THSD4: variants seen among roughly 807,000 people sequenced by gnomAD.
THSD4 encodes the protein thrombospondin type 1 domain containing 4, also known as thrombospondin type-1 domain-containing protein 4.
A neutral mutation model predicts 119.0 loss-of-function variants in THSD4; 69 were observed. The ratio of observed to expected loss-of-function variants is 0.58; its 90% CI spans 0.48 to 0.71. THSD4 has a LOEUF of 0.71. Among genes scored for constraint, THSD4 ranks in the 30% least tolerant of loss-of-function variants. The pLI, the probability that THSD4 is intolerant of heterozygous loss-of-function variation, is 0.00. For missense variants in THSD4, 1,393 were observed against 1,391.1 expected (o/e 1.00, Z -0.02); for synonymous variants, 524 against 540.4 (o/e 0.97, Z 0.42).
intron 7 of THSD4, among the ~76,000 whole-genome samples, chr15:71,511,325 G>T (rs1254599568): frequency 6.6e-6 from 1 of 152,060 alleles, no homozygotes; most frequent in East Asian, 1.9e-4. Flanking sequence ...TTGGTTTAGG[G>T]GCCTGAAGAA....
At chr15:71,192,367 C>T (rs2141441510) in intron 3 of THSD4, among the ~76,000 whole-genome samples, 1 of 152,240 alleles carries the variant, frequency 6.6e-6, no homozygotes, top group African/African-American at 2.4e-5. Context: ...ACTGCAGCCT[C>T]CACCTCCCAG....
chr15:71,241,410 C>T (rs1336573878), intron 4 of THSD4, among the ~76,000 whole-genome samples: 1 of 152,124 alleles, frequency 6.6e-6, no homozygotes, highest in East Asian at 1.9e-4. Flanking sequence ...CTCAGAATTT[C>T]CCAAAGCAAC....
At position 71,520,280 on chromosome 15, in the gene THSD4, T is replaced by C. The variant is rs568048902; in HGVS notation, c.1152+108457T>C. On this transcript the variant is annotated intron_variant, in intron 7 of 17. Transcript: ENST00000261862. The stretch of plus-strand genomic sequence containing the variant: ...GACTGGTCTAGAGATGAGACCCAGA[T>C]GGCAAACGTGACCTGGGAGGTTTTG... Among the ~76,000 whole-genome samples the C allele has an allele frequency of 3.4e-4, 52 of 152,258 alleles. No individual in the cohort carries two copies. In the South Asian group the frequency reaches 0.01, roughly 30 times the overall value.
intron 7 of THSD4, among the ~76,000 whole-genome samples, chr15:71,513,345 G>C (rs1008167185): frequency 5.3e-5 from 8 of 152,194 alleles, no homozygotes; most frequent in Non-Finnish European, 1.2e-4. Context: ...TTTCAGATAG[G>C]TTAGGAAAGT....
intron 2 of THSD4, among the ~76,000 whole-genome samples, chr15:71,147,208 A>G (rs757054072): frequency 6.6e-6 from 1 of 152,030 alleles, no homozygotes; most frequent in Non-Finnish European, 1.5e-5. Context: ...TTTGTTTTTG[A>G]ATTTTTATTT....
At chr15:71,617,544 C>T (rs886640082) in intron 7 of THSD4, among the ~76,000 whole-genome samples, 1 of 152,202 alleles carries the variant, frequency 6.6e-6, no homozygotes, top group Non-Finnish European at 1.5e-5. Flanking sequence ...TGCTGCCTTT[C>T]ATACTCAGCC....
In THSD4 at chr15:71,771,218, G is replaced by A; in HGVS notation, c.2914+10G>A. On this transcript the variant is annotated intron_variant, in intron 17 of 17. Transcript: ENST00000261862. ...TGTGTCCCTGAAGTTGGTAAGTAGA[G>A]ATTTCAATCATGGGGGAAAGGTTTG... The A allele has an allele frequency of 6.2e-7, 1 of 1,612,386 alleles. No homozygotes were observed.
chr15:71,711,768 A>G (rs2052521410), intron 8 of THSD4, among the ~76,000 whole-genome samples: 1 of 152,194 alleles, frequency 6.6e-6, no homozygotes, highest in Admixed American at 6.5e-5. Context: ...AATATTACAC[A>G]AAGTAGACTT....
intron 7 of THSD4, among the ~76,000 whole-genome samples, chr15:71,574,064 A>G (rs1224669869): frequency 2.0e-5 from 3 of 152,168 alleles, no homozygotes; most frequent in African/African-American, 7.2e-5. Context: ...GTAGCGCAGA[A>G]CTTCTCTAGC....
At chr15:71,194,685 C>T (rs2043704483) in intron 3 of THSD4, among the ~76,000 whole-genome samples, 1 of 152,202 alleles carries the variant, frequency 6.6e-6, no homozygotes, top group Admixed American at 6.5e-5. Context: ...AAAGCAGCCC[C>T]TGGTTCATGA....
At chr15:71,391,298 G>T (rs186839883) in intron 6 of THSD4, among the ~76,000 whole-genome samples, 201 of 152,126 alleles carry the variant, frequency 1.3e-3, no homozygotes, top group Middle Eastern at 3.4e-3. Context: ...CAAAGTGCTG[G>T]GATTACAGGC....
At chr15:71,744,880 G>C (rs951818059) in intron 11 of THSD4, among the ~76,000 whole-genome samples, 1 of 152,106 alleles carries the variant, frequency 6.6e-6, no homozygotes, top group Non-Finnish European at 1.5e-5. Context: ...ATTCCTTTTA[G>C]GGCAGGCTCT....
intron 4 of THSD4, among the ~76,000 whole-genome samples, chr15:71,217,810 G>C (rs2043947131): frequency 8.6e-6 from 1 of 116,574 alleles, no homozygotes; most frequent in Non-Finnish European, 1.7e-5. Flanking sequence ...TTTTTGAGAT[G>C]TAGTCTGGCT....
intron 7 of THSD4, among the ~76,000 whole-genome samples, chr15:71,636,716 C>T (rs967497108): frequency 6.6e-6 from 1 of 152,102 alleles, no homozygotes; most frequent in African/African-American, 2.4e-5. Flanking sequence ...GCAGTGCCTG[C>T]AGCTGTGCCT....
chr15:71,663,455 G>C (rs998001947), intron 8 of THSD4, among the ~76,000 whole-genome samples: 16 of 152,198 alleles, frequency 1.1e-4, no homozygotes, highest in African/African-American at 3.6e-4. Flanking sequence ...GACGAACAGA[G>C]ATTCCTTCTA....
intron 7 of THSD4, among the ~76,000 whole-genome samples, chr15:71,551,706 A>T (rs1221456679): frequency 6.6e-6 from 1 of 152,166 alleles, no homozygotes; most frequent in South Asian, 2.1e-4. Flanking sequence ...GCAATGGGTT[A>T]TGACAACACA....
At chr15:71,462,232 GCTGT>G (rs1413556459) in intron 7 of THSD4, among the ~76,000 whole-genome samples, 1 of 152,142 alleles carries the variant, frequency 6.6e-6, no homozygotes, top group Non-Finnish European at 1.5e-5. Flanking sequence ...TGTGATCATG[GCTGT>G]CTGCAGCCTT....
In THSD4 at chr15:71,688,707, C is replaced by CTGTGTGTGTGTG. The variant is rs55653630; in HGVS notation, c.1357+27997_1357+28008dup. On this transcript the variant is annotated intron_variant, in intron 8 of 17. Transcript: ENST00000261862. ...TGAGGTTTTTTTTTGTTTTGTATCT[C>CTGTGTGTGTGTG]TGTGTGTGTGTGTGTGTGTGTGTGT... 1.7e-3 allele frequency among the ~76,000 whole-genome samples: 230 copies of CTGTGTGTGTGTG among 133,474 alleles called. 1 individual carries two copies. Among genetic ancestry groups the CTGTGTGTGTGTG allele is most frequent in the African/African-American group, 5.7e-3 (197 of 34,414 alleles). The allele number at this position is 133,474 out of a possible 152,430, so 87.6% of individuals were successfully genotyped here.
chr15:71,391,138 C>T (rs1223115530), intron 6 of THSD4, among the ~76,000 whole-genome samples: 1 of 151,952 alleles, frequency 6.6e-6, no homozygotes, highest in Non-Finnish European at 1.5e-5. Context: ...ACACCATTCT[C>T]CTGCCTCAGA....
Sources: gnomAD v4.1 joint callset for allele counts (sites outside exome capture counted in the v4.1 genomes callset) on GRCh38, gnomAD v4.1.1 for gene constraint, MANE v1.5 for transcripts, NCBI Gene and HGNC (gene_info 2026-07-23, HGNC 2026-07-21) for gene names.